Variants in LRMDA observed in about 807,000 individuals in gnomAD.
LRMDA encodes the protein leucine-rich melanocyte differentiation-associated protein.
LRMDA carries 18 observed loss-of-function variants against 29.8 expected under a neutral mutation model. The ratio of observed to expected loss-of-function variants is 0.60; its 90% CI spans 0.42 to 0.90. LRMDA has a LOEUF of 0.90. Ranked by LOEUF, LRMDA falls within the 40% of genes least tolerant of loss-of-function variation. The pLI, the probability that LRMDA is intolerant of heterozygous loss-of-function variation, is 0.00. For synonymous variants in LRMDA, 125 were observed against 109.4 expected (o/e 1.14, Z -0.89); for missense variants, 273 against 273.9 (o/e 1.00, Z 0.02).
intron 6 of LRMDA, among the ~76,000 whole-genome samples, chr10:76,349,476 T>A (rs1200256361): frequency 6.6e-6 from 1 of 152,010 alleles, no homozygotes; most frequent in East Asian, 1.9e-4. Context: ...ATATATATAT[T>A]ATATATATTT....
At chr10:76,405,350 G>A (rs968109877) in intron 6 of LRMDA, among the ~76,000 whole-genome samples, 14 of 152,146 alleles carry the variant, frequency 9.2e-5, no homozygotes, top group African/African-American at 2.7e-4. Context: ...GCCAGCTTTC[G>A]TCACTAGGTG....
intron 6 of LRMDA, among the ~76,000 whole-genome samples, chr10:76,508,798 C>T (rs1187990637): frequency 6.6e-6 from 1 of 152,086 alleles, no homozygotes; most frequent in Non-Finnish European, 1.5e-5. Flanking sequence ...ATTAGCAATC[C>T]TACATTTTTA....
chr10:76,375,723 A>ATTTT (rs35821785), intron 6 of LRMDA, among the ~76,000 whole-genome samples: 1 of 142,916 alleles, frequency 7.0e-6, no homozygotes. Context: ...TCCATGCTGA[A>ATTTT]TTTTTTTTTT....
At chr10:75,765,587 AT>A (rs59724081) in intron 2 of LRMDA, among the ~76,000 whole-genome samples, 261 of 148,914 alleles carry the variant, frequency 1.8e-3, no homozygotes, top group South Asian at 4.3e-3. Flanking sequence ...GGTGTGCTCC[AT>A]TTTTTTTTTG....
Position 76,268,265 on chromosome 10 carries a change from CAT to C in LRMDA, c.517-56134_517-56133del, listed in dbSNP as rs968547959. 7.9e-5 allele frequency among the ~76,000 whole-genome samples: 12 copies of C among 152,332 alleles called. 1 individual carries two copies. The highest frequency in any genetic ancestry group is 2.6e-4 in the African/African-American group (11 of 41,574). On this transcript the variant is annotated intron_variant, in intron 5 of 6. Coordinates refer to ENST00000611255, the MANE Select transcript of LRMDA (RefSeq NM_001305581.2). ...TCTAATCAGCTGTGTGATCTTGACA[CAT>C]AGTCCTCTGTGCCTTAGTTTCCTCT...
At chr10:76,142,069 A>T (rs1448017127) in intron 5 of LRMDA, among the ~76,000 whole-genome samples, 3 of 151,880 alleles carry the variant, frequency 2.0e-5, no homozygotes, top group Non-Finnish European at 4.4e-5. Context: ...CTCTATCCAT[A>T]GCTTCTCTGT....
At chr10:75,847,705 AG>A (rs1384173780) in intron 2 of LRMDA, among the ~76,000 whole-genome samples, 5 of 152,224 alleles carry the variant, frequency 3.3e-5, no homozygotes, top group African/African-American at 1.2e-4. Flanking sequence ...AGTTCTCCAA[AG>A]AAGATATACA....
chr10:75,513,645 T>C (rs1845253891), intron 2 of LRMDA, among the ~76,000 whole-genome samples: 1 of 152,130 alleles, frequency 6.6e-6, no homozygotes, highest in Non-Finnish European at 1.5e-5. Flanking sequence ...TAGGGGAGAA[T>C]CTGTTTCTTT....
intron 2 of LRMDA, among the ~76,000 whole-genome samples, chr10:75,895,329 C>T (rs1208808505): frequency 6.6e-6 from 1 of 152,152 alleles, no homozygotes; most frequent in African/African-American, 2.4e-5. Context: ...CCACAAACAA[C>T]AAAAGTGAAT....
chr10:76,101,813 C>T (rs988053476), intron 5 of LRMDA, among the ~76,000 whole-genome samples: 5 of 152,118 alleles, frequency 3.3e-5, no homozygotes, highest in African/African-American at 1.2e-4. Flanking sequence ...AGTACATTCG[C>T]AGGGTTGTGT....
chr10:75,646,712 C>A (rs1365515659), intron 2 of LRMDA, among the ~76,000 whole-genome samples: 1 of 152,162 alleles, frequency 6.6e-6, no homozygotes, highest in Non-Finnish European at 1.5e-5. Flanking sequence ...GGAGTGAGTT[C>A]GTTACATTGA....
At chr10:75,477,194 G>A (rs962825305) in intron 2 of LRMDA, among the ~76,000 whole-genome samples, 9 of 152,126 alleles carry the variant, frequency 5.9e-5, no homozygotes, top group East Asian at 3.9e-4. Context: ...TGCCCAGGTT[G>A]GTCTTGAGCT....
chr10:76,465,888 T>G (rs1842560229), intron 6 of LRMDA, among the ~76,000 whole-genome samples: 2 of 152,186 alleles, frequency 1.3e-5, no homozygotes, highest in South Asian at 4.1e-4. Flanking sequence ...TGTGCCTGTC[T>G]GTGCCCCAAT....
intron 6 of LRMDA, among the ~76,000 whole-genome samples, chr10:76,487,234 G>T (rs943956641): frequency 1.3e-5 from 2 of 151,828 alleles, no homozygotes; most frequent in Non-Finnish European, 2.9e-5. Context: ...ACACACTAAA[G>T]ATTTAAGACA....
intron 6 of LRMDA, among the ~76,000 whole-genome samples, chr10:76,489,445 AC>A (rs1842812106): frequency 6.6e-6 from 1 of 151,390 alleles, no homozygotes; most frequent in African/African-American, 2.4e-5. Context: ...AATTTTGTTT[AC>A]CTTTTCAAAA....
intron 5 of LRMDA, among the ~76,000 whole-genome samples, chr10:76,162,063 T>C (rs953377825): frequency 1.3e-5 from 2 of 152,246 alleles, no homozygotes; most frequent in Admixed American, 6.5e-5. Context: ...CATGTGTTTT[T>C]TCTTGAGTTC....
chr10:75,650,553 G>A (rs1428629630), intron 2 of LRMDA, among the ~76,000 whole-genome samples: 5 of 151,922 alleles, frequency 3.3e-5, no homozygotes, highest in Admixed American at 1.3e-4. Context: ...GATAGGAGTT[G>A]CAATGCAGGG....
chr10:76,501,955 T>C (rs1306860616), intron 6 of LRMDA, among the ~76,000 whole-genome samples: 3 of 152,030 alleles, frequency 2.0e-5, no homozygotes, highest in Non-Finnish European at 4.4e-5. Flanking sequence ...ATGAAGAGTA[T>C]TTCCTATGTT....
chr10:75,790,190 G>A (rs1423705236), intron 2 of LRMDA, among the ~76,000 whole-genome samples: 2 of 152,068 alleles, frequency 1.3e-5, no homozygotes, highest in South Asian at 2.1e-4. Context: ...GCATTGTAGG[G>A]TATTGAGCCA....
Sources: gnomAD v4.1 joint callset for allele counts (sites outside exome capture counted in the v4.1 genomes callset) on GRCh38, gnomAD v4.1.1 for gene constraint, MANE v1.5 for transcripts, NCBI Gene and HGNC (gene_info 2026-07-23, HGNC 2026-07-21) for gene names.